The following C2orf92 variants were observed in gnomAD, a reference collection of about 807,000 sequenced individuals.
C2orf92 encodes the protein chromosome 2 open reading frame 92, also known as uncharacterized protein C2orf92.
intron 3 of C2orf92, among the ~76,000 whole-genome samples, chr2:97,677,107 G>T (rs1206823848): frequency 6.6e-6 from 1 of 152,198 alleles, no homozygotes; most frequent in African/African-American, 2.4e-5. Flanking sequence ...CAACATTTTG[G>T]GTAGTGGCTG....
chr2:97,683,695 GA>G (rs927929493), intron 3 of C2orf92, among the ~76,000 whole-genome samples: 5 of 151,650 alleles, frequency 3.3e-5, no homozygotes, highest in African/African-American at 1.2e-4. Context: ...AAATAGTCCT[GA>G]AAAAAAAGAA....
chr2:97,702,820 C>G lies in C2orf92; in HGVS notation c.*19C>G. On this transcript the variant is annotated 3_prime_UTR_variant, in exon 8 of 8. Coordinates refer to ENST00000627399, the MANE Select transcript of C2orf92 (RefSeq NM_001351368.2). The stretch of plus-strand genomic sequence containing the variant: ...TGTCTAAGCCAGGTCGTGGGGCCGT[C>G]AAACCAGGACTTGAAACCACAATGC... The G allele has an allele frequency of 2.5e-6, 1 of 399,002 alleles. No homozygotes were observed. The highest frequency in any genetic ancestry group is 3.6e-5 in the East Asian group (1 of 28,074). The allele number at this position is 399,002 out of a possible 1,614,324, so 24.7% of individuals were successfully genotyped here.
At chr2:97,682,314 A>C (rs1025122753) in intron 3 of C2orf92, among the ~76,000 whole-genome samples, 3 of 152,230 alleles carry the variant, frequency 2.0e-5, no homozygotes, top group African/African-American at 7.2e-5. Flanking sequence ...AGAATGAATC[A>C]GTAATCAAAA....
chr2:97,664,047 AG>A (rs1047497452), upstream of C2orf92: 2 of 325,662 alleles, frequency 6.1e-6, no homozygotes, highest in African/African-American at 4.5e-5. Context: ...GGCTTTCTGG[AG>A]GGCGGGCCCG....
rs1675513322 is a variant in C2orf92, at chr2:97,674,524, G to A, written c.115G>A (p.Val39Ile). ...DPSFDETRTA[V>I]RSITKRDTQK... ...ATCATTTGATGAAACAAGAACAGCA[G>A]TCAGATCCATTACAAAGAGAGACAC... The change falls in exon 2 of 8, where the codon GTC (valine) becomes ATC (isoleucine). Residue 39 changes from valine (V) to isoleucine (I), a missense_variant. Val to Ile is a conservative substitution (Grantham distance 29). Coordinates refer to ENST00000627399, the MANE Select transcript of C2orf92 (RefSeq NM_001351368.2). 1 of 398,612 alleles carries A rather than the reference G, an allele frequency of 2.5e-6. No homozygotes were observed. The highest frequency in any genetic ancestry group is 4.4e-6 in the Non-Finnish European group (1 of 226,072). The allele number at this position is 398,612 out of a possible 1,614,324, so 24.7% of individuals were successfully genotyped here. A position where few individuals can be genotyped will look rare whatever the true frequency, so the allele number is the denominator to read the frequency against.
intron 5 of C2orf92, among the ~76,000 whole-genome samples, chr2:97,695,049 G>C (rs578083020): frequency 6.6e-6 from 1 of 152,196 alleles, no homozygotes; most frequent in Non-Finnish European, 1.5e-5. Flanking sequence ...TATAGTCTGA[G>C]TATCATTCCC....
At chr2:97,677,322 C>T (rs554888550) in intron 3 of C2orf92, 1 of 152,194 alleles carries the variant, frequency 6.6e-6, no homozygotes, top group South Asian at 2.1e-4. Context: ...TATTAAATGC[C>T]AGTTAAAAAA....
upstream of C2orf92, among the ~76,000 whole-genome samples, chr2:97,665,365 A>T (rs991670466): frequency 6.6e-6 from 1 of 152,212 alleles, no homozygotes; most frequent in African/African-American, 2.4e-5. Flanking sequence ...TCAAGAAACA[A>T]TATTGTTGCT....
At chr2:97,688,634 T>C (rs1676039131) in intron 3 of C2orf92, among the ~76,000 whole-genome samples, 1 of 152,162 alleles carries the variant, frequency 6.6e-6, no homozygotes, top group South Asian at 2.1e-4. Flanking sequence ...GGGCACTAAG[T>C]ATCAGGAGAT....
At chr2:97,686,219 G>A (rs1159781807) in intron 3 of C2orf92, among the ~76,000 whole-genome samples, 3 of 152,154 alleles carry the variant, frequency 2.0e-5, no homozygotes, top group Non-Finnish European at 4.4e-5. Context: ...TACATGGTAT[G>A]CACTCTTACG....
chr2:97,700,264 C>A (rs1676447266), intron 6 of C2orf92, among the ~76,000 whole-genome samples: 1 of 152,134 alleles, frequency 6.6e-6, no homozygotes, highest in South Asian at 2.1e-4. Flanking sequence ...TCATCTGTGG[C>A]CTTGTGTTTG....
At chr2:97,694,717 G>T (rs1676254674) in intron 5 of C2orf92, 1 of 152,064 alleles carries the variant, frequency 6.6e-6, no homozygotes, top group South Asian at 2.1e-4. Context: ...ATAATTCTTT[G>T]AGACCCTGCT....
chr2:97,693,368 G>A (rs183409069), intron 5 of C2orf92, among the ~76,000 whole-genome samples: 123 of 152,226 alleles, frequency 8.1e-4, no homozygotes, highest in Non-Finnish European at 4.6e-4. Context: ...GGGTCATATG[G>A]TAAATCTATC....
intron 5 of C2orf92, 113 bp from the exon 6 acceptor site, chr2:97,698,913 C>G (rs996981638): frequency 1.0e-5 from 4 of 395,442 alleles, no homozygotes; most frequent in Non-Finnish European, 1.8e-5. Context: ...ACTTTTCCCC[C>G]AAGTCCTCCC....
chr2:97,701,901 G>A (rs537985694), intron 7 of C2orf92, among the ~76,000 whole-genome samples: 71 of 152,052 alleles, frequency 4.7e-4, no homozygotes, highest in Non-Finnish European at 7.6e-4. Context: ...CTACACCCCC[G>A]TCTACACCAG....
At chr2:97,674,766 T>A (rs567021803) in intron 2 of C2orf92, among the ~76,000 whole-genome samples, 2 of 152,304 alleles carry the variant, frequency 1.3e-5, no homozygotes, top group East Asian at 3.9e-4. Flanking sequence ...AGTGTGAATA[T>A]CCCTGTATTT....
At chr2:97,700,177 C>T (rs1234056160) in intron 6 of C2orf92, among the ~76,000 whole-genome samples, 1 of 152,154 alleles carries the variant, frequency 6.6e-6, no homozygotes, top group African/African-American at 2.4e-5. Context: ...GCCGCGTTTT[C>T]CCCAGCCTGT....
chr2:97,674,489 C>T lies in C2orf92; in HGVS notation c.80C>T (p.Pro27Leu), dbSNP rs1001084210. 3 of 398,578 alleles carry T rather than the reference C, an allele frequency of 7.5e-6. No individual in the cohort carries two copies. Among genetic ancestry groups the T allele is most frequent in the Admixed American group, 4.4e-5 (1 of 22,730 alleles). 24.7% of individuals were successfully genotyped at this position (398,578 alleles called of 1,614,324 possible). ...GTGCTCCAAGTGTTTTCCAAGGTTC[C>T]GTATGACCCATCATTTGATGAAACA... ...EIVLQVFSKVPYDPSFDETRT... is the reference protein window; with the variant it reads ...EIVLQVFSKVLYDPSFDETRT... Residue 27 changes from proline (P) to leucine (L), a missense_variant, in exon 2 of 8, where the codon CCG becomes CTG. Physicochemically the swap from Pro to Leu is moderately conservative, Grantham distance 98 (BLOSUM62 -3). Coordinates refer to ENST00000627399, the MANE Select transcript of C2orf92 (RefSeq NM_001351368.2).
rs142439107 is a variant in C2orf92, at chr2:97,690,454, C to T, written c.403+127C>T. 951 of 375,956 alleles carry T rather than the reference C, an allele frequency of 2.5e-3. 16 individuals are homozygous for T. Among genetic ancestry groups the T allele is most frequent in the East Asian group, 0.024 (645 of 26,706 alleles). The allele number at this position is 375,956 out of a possible 1,614,324, so 23.3% of individuals were successfully genotyped here. ...GGAGTACAGCGGTGCAGTCTCGGCT[C>T]ACTGCAAACTCTGCCTCCCAGGTTC... On this transcript the variant is annotated intron_variant, in intron 5 of 7. Transcript: ENST00000627399.
Sources: allele counts gnomAD v4.1 joint callset (sites outside exome capture counted in the v4.1 genomes callset), GRCh38; gene constraint gnomAD v4.1.1; transcripts MANE v1.5; gene names NCBI Gene and HGNC (gene_info 2026-07-23, HGNC 2026-07-21).